Variants in GPC5 observed in about 807,000 individuals in gnomAD.
GPC5 encodes the protein glypican 5.
A neutral mutation model predicts 53.9 loss-of-function variants in GPC5; 47 were observed. That is an observed-to-expected ratio of 0.87 (90% CI 0.69 to 1.11). GPC5 has a LOEUF of 1.11. Ranked by LOEUF, GPC5 falls within the 50% of genes most tolerant of loss-of-function variation. The probability of loss-of-function intolerance (pLI) is 0.00; values close to 1 mark genes in which losing one functional copy is unlikely to be tolerated. For synonymous variants in GPC5, 286 were observed against 263.3 expected, an observed-to-expected ratio of 1.09 and a Z score of -0.84; for missense variants, 748 against 713.1, an observed-to-expected ratio of 1.05 and a Z score of -0.56.
chr13:92,194,282 A>T (rs2042242944), intron 7 of GPC5, among the ~76,000 whole-genome samples: 1 of 152,186 alleles, frequency 6.6e-6, no homozygotes, highest in Admixed American at 6.5e-5. Context: ...GCAAATAGTG[A>T]GTACCTCCGA....
chr13:92,358,652 C>G (rs1231309324), intron 7 of GPC5, among the ~76,000 whole-genome samples: 3 of 151,828 alleles, frequency 2.0e-5, no homozygotes, highest in Non-Finnish European at 2.9e-5. Flanking sequence ...CTCTGTGCAC[C>G]TACAGGCTTA....
chr13:92,384,032 A>C (rs2139311822), intron 7 of GPC5, among the ~76,000 whole-genome samples: 1 of 152,340 alleles, frequency 6.6e-6, no homozygotes, highest in African/African-American at 2.4e-5. Context: ...AAGTTAAAAA[A>C]TACAGGATTT....
chr13:92,776,479 A>C (rs925708603), intron 7 of GPC5, among the ~76,000 whole-genome samples: 1 of 152,216 alleles, frequency 6.6e-6, no homozygotes, highest in African/African-American at 2.4e-5. Context: ...ACTTAATCAC[A>C]TCTGCAAAGT....
At chr13:91,903,497 C>A (rs1435071095) in intron 5 of GPC5, among the ~76,000 whole-genome samples, 2 of 152,052 alleles carry the variant, frequency 1.3e-5, no homozygotes, top group African/African-American at 4.8e-5. Context: ...CCAGTTGCTC[C>A]ACATCTTTGC....
intron 2 of GPC5, among the ~76,000 whole-genome samples, chr13:91,668,282 C>T (rs977960164): frequency 2.0e-5 from 3 of 152,184 alleles, no homozygotes; most frequent in African/African-American, 7.2e-5. Context: ...TCTTCAAATC[C>T]TTGCCTCTGG....
intron 5 of GPC5, among the ~76,000 whole-genome samples, chr13:91,896,612 G>A (rs1334010072): frequency 6.6e-6 from 1 of 152,144 alleles, no homozygotes; most frequent in African/African-American, 2.4e-5. Context: ...GGATGAAGGG[G>A]AGATTGGCCA....
chr13:92,414,902 C>T (rs1208223945), intron 7 of GPC5, among the ~76,000 whole-genome samples: 6 of 152,162 alleles, frequency 3.9e-5, no homozygotes, highest in African/African-American at 9.7e-5. Context: ...CAAGGCCCCA[C>T]CTAATCCTTA....
At chr13:92,163,363 A>G (rs528742452) in intron 7 of GPC5, among the ~76,000 whole-genome samples, 3 of 151,076 alleles carry the variant, frequency 2.0e-5, no homozygotes, top group African/African-American at 7.3e-5. Context: ...CAGGAGACTG[A>G]TGCAGGAGAA....
At chr13:92,554,595 A>G (rs906729960) in intron 7 of GPC5, among the ~76,000 whole-genome samples, 64 of 151,612 alleles carry the variant, frequency 4.2e-4, no homozygotes, top group African/African-American at 1.5e-3. Flanking sequence ...TTTACTTGAA[A>G]AAAACTAACA....
chr13:92,301,311 T>C (rs1448552103), intron 7 of GPC5, among the ~76,000 whole-genome samples: 2 of 152,174 alleles, frequency 1.3e-5, no homozygotes, highest in Non-Finnish European at 2.9e-5. Flanking sequence ...ACTCTATTAT[T>C]GGAAATTGGA....
At chr13:92,010,133 T>G (rs551025318) in intron 6 of GPC5, among the ~76,000 whole-genome samples, 5 of 152,332 alleles carry the variant, frequency 3.3e-5, no homozygotes, top group African/African-American at 9.6e-5. Context: ...GGGCTAACAT[T>G]ATTACCCTGT....
intron 7 of GPC5, among the ~76,000 whole-genome samples, chr13:92,620,185 T>C (rs1884825073): frequency 6.6e-6 from 1 of 151,850 alleles, no homozygotes; most frequent in African/African-American, 2.4e-5. Flanking sequence ...AGAGAATAAT[T>C]GAAGAAATAA....
chr13:92,754,630 G>A lies in GPC5; in HGVS notation c.1562-111652G>A, dbSNP rs1202454611. Among the ~76,000 whole-genome samples, 21 of 151,312 alleles carry A rather than the reference G, an allele frequency of 1.4e-4. 1 individual carries two copies. The Admixed American group carries it at 1.4e-3, about 10-fold the overall frequency. On this transcript the variant is annotated intron_variant, in intron 7 of 7. Coordinates refer to ENST00000377067, the MANE Select transcript of GPC5 (RefSeq NM_004466.6). ...CATAGGCTCAAAATAAAAGGATGGAGGAAGATCTACCAAGCAAATGGAAAA... is the reference window on the plus strand; with the variant it reads ...CATAGGCTCAAAATAAAAGGATGGAAGAAGATCTACCAAGCAAATGGAAAA...
chr13:91,941,683 C>T (rs2039928667), intron 6 of GPC5, among the ~76,000 whole-genome samples: 1 of 152,144 alleles, frequency 6.6e-6, no homozygotes, highest in Admixed American at 6.5e-5. Context: ...TTTATCTCTA[C>T]TGTCTACTAC....
At chr13:92,816,414 A>T (rs561500478) in intron 7 of GPC5, among the ~76,000 whole-genome samples, 24 of 152,136 alleles carry the variant, frequency 1.6e-4, no homozygotes, top group African/African-American at 5.6e-4. Flanking sequence ...GGAATGAAAG[A>T]AAAGAGGAAA....
chr13:91,972,519 C>A (rs997410989), intron 6 of GPC5, among the ~76,000 whole-genome samples: 1 of 152,070 alleles, frequency 6.6e-6, no homozygotes, highest in Non-Finnish European at 1.5e-5. Context: ...ATGATGTTAG[C>A]TGGTCATTTT....
intron 4 of GPC5, among the ~76,000 whole-genome samples, chr13:91,745,144 C>T (rs957085495): frequency 1.3e-5 from 2 of 151,966 alleles, no homozygotes; most frequent in Admixed American, 6.6e-5. Flanking sequence ...TTTTTTAAGG[C>T]ACATTTTTAC....
chr13:92,622,504 G>A (rs1267763677), intron 7 of GPC5, among the ~76,000 whole-genome samples: 1 of 152,058 alleles, frequency 6.6e-6, no homozygotes, highest in African/African-American at 2.4e-5. Flanking sequence ...GGATTAACAC[G>A]AGATGAGGCA....
chr13:92,336,041 G>A (rs980311023), intron 7 of GPC5, among the ~76,000 whole-genome samples: 3 of 152,144 alleles, frequency 2.0e-5, no homozygotes, highest in South Asian at 4.1e-4. Context: ...GCAATTTGGA[G>A]TATAGTTAAG....
Sources: allele counts gnomAD v4.1 joint callset (sites outside exome capture counted in the v4.1 genomes callset), GRCh38; gene constraint gnomAD v4.1.1; transcripts MANE v1.5; gene names NCBI Gene and HGNC (gene_info 2026-07-23, HGNC 2026-07-21).